The following ITFG1 variants were observed in gnomAD, a reference collection of about 807,000 sequenced individuals.
ITFG1 encodes integrin alpha FG-GAP repeat containing 1, also known as T-cell immunomodulatory protein.
Under a neutral mutation model 81.8 loss-of-function variants are expected in ITFG1, and 34 were observed. The ratio of observed to expected loss-of-function variants is 0.42; its 90% CI spans 0.32 to 0.55. The LOEUF (loss-of-function observed/expected upper bound fraction) is 0.55. ITFG1 is among the 20% of genes least tolerant of loss of function. The pLI is 0.17. For synonymous variants in ITFG1, 285 were observed against 270.6 expected (o/e 1.05, Z -0.52); for missense variants, 672 against 755.4 (o/e 0.89, Z 1.29).
chr16:47,165,814 C>A (rs950350849), intron 14 of ITFG1, among the ~76,000 whole-genome samples: 1 of 152,176 alleles, frequency 6.6e-6, no homozygotes, highest in Non-Finnish European at 1.5e-5. Flanking sequence ...CCACTGCACT[C>A]CAGCCTGGGA....
intron 14 of ITFG1, among the ~76,000 whole-genome samples, chr16:47,207,949 A>G (rs922546148): frequency 9.9e-5 from 15 of 152,200 alleles, no homozygotes. Flanking sequence ...TGTACCAGGC[A>G]TTGTATAAGC....
chr16:47,240,958 C>T (rs984320538), intron 12 of ITFG1, among the ~76,000 whole-genome samples: 2 of 151,562 alleles, frequency 1.3e-5, no homozygotes, highest in African/African-American at 4.9e-5. Context: ...AGATGTGTTT[C>T]ACAACAATGC....
intron 14 of ITFG1, among the ~76,000 whole-genome samples, chr16:47,194,641 C>T (rs1323192139): frequency 6.6e-6 from 1 of 152,088 alleles, no homozygotes; most frequent in East Asian, 1.9e-4. Flanking sequence ...TCACACTTCT[C>T]CTCAATGTGC....
At chr16:47,191,963 G>A (rs1451628044) in intron 14 of ITFG1, among the ~76,000 whole-genome samples, 1 of 152,120 alleles carries the variant, frequency 6.6e-6, no homozygotes, top group Non-Finnish European at 1.5e-5. Context: ...GTGCCATCAC[G>A]TCTGGCTAAT....
At chr16:47,281,408 T>A (rs1204829843) in intron 10 of ITFG1, among the ~76,000 whole-genome samples, 4 of 152,192 alleles carry the variant, frequency 2.6e-5, no homozygotes, top group Non-Finnish European at 5.9e-5. Context: ...TTAGTTGAAT[T>A]GAGAAGTGTC....
At chr16:47,264,582 A>G (rs1283515078) in intron 10 of ITFG1, among the ~76,000 whole-genome samples, 1 of 151,756 alleles carries the variant, frequency 6.6e-6, no homozygotes, top group African/African-American at 2.4e-5. Context: ...ACACACACAC[A>G]CACACACACA....
intron 14 of ITFG1, among the ~76,000 whole-genome samples, chr16:47,175,237 C>G (rs1421270441): frequency 6.6e-6 from 1 of 151,752 alleles, no homozygotes; most frequent in Non-Finnish European, 1.5e-5. Context: ...ACTATTTCAA[C>G]TATTCTTAAC....
intron 14 of ITFG1, among the ~76,000 whole-genome samples, chr16:47,180,911 C>T (rs1403619819): frequency 4.6e-5 from 7 of 151,156 alleles, no homozygotes; most frequent in African/African-American, 1.2e-4. Flanking sequence ...CGTCTCTGCC[C>T]GGCTGCCATC....
chr16:47,356,722 G>A (rs1968044848), intron 8 of ITFG1, among the ~76,000 whole-genome samples: 1 of 152,184 alleles, frequency 6.6e-6, no homozygotes, highest in Non-Finnish European at 1.5e-5. Flanking sequence ...CATCCAAGAA[G>A]CACAACTATG....
intron 6 of ITFG1, among the ~76,000 whole-genome samples, chr16:47,410,304 T>C (rs1327334618): frequency 6.6e-6 from 1 of 151,370 alleles, no homozygotes; most frequent in Non-Finnish European, 1.5e-5. Context: ...AATAGAAAAA[T>C]GGGCAAAGTA....
chr16:47,206,606 A>G (rs1965503036), intron 14 of ITFG1, among the ~76,000 whole-genome samples: 1 of 152,208 alleles, frequency 6.6e-6, no homozygotes, highest in Non-Finnish European at 1.5e-5. Flanking sequence ...GGCACTTCCT[A>G]TAAATGGAAT....
chr16:47,260,355 T>C (rs1302495161), intron 11 of ITFG1, among the ~76,000 whole-genome samples, 190 bp downstream of exon 11: 1 of 152,248 alleles, frequency 6.6e-6, no homozygotes, highest in African/African-American at 2.4e-5. Context: ...AATATTTGAC[T>C]GTACTGATCA....
At chr16:47,224,338 G>A (rs1030294155) in intron 13 of ITFG1, among the ~76,000 whole-genome samples, 1 of 152,206 alleles carries the variant, frequency 6.6e-6, no homozygotes, top group African/African-American at 2.4e-5. Flanking sequence ...AAATGGAAAT[G>A]AGATATTCAC....
intron 8 of ITFG1, among the ~76,000 whole-genome samples, chr16:47,330,705 C>G (rs114265251): frequency 0.021 from 3,246 of 151,988 alleles, 112 homozygotes; most frequent in African/African-American, 0.074. Context: ...TACGAGCAGC[C>G]GACAAACATG....
In ITFG1 at chr16:47,178,437, C is replaced by G. The variant is rs540821347; in HGVS notation, c.1454-15773G>C. On this transcript the variant is annotated intron_variant, in intron 14 of 17. Transcript: ENST00000320640. ...AATAATACCACACATCTACAACTATCTGATCTTTGACAAACCTGACAAAAA... is the reference window on the plus strand; with the variant it reads ...AATAATACCACACATCTACAACTATGTGATCTTTGACAAACCTGACAAAAA... 6.7e-4 allele frequency among the ~76,000 whole-genome samples: 102 copies of G among 152,316 alleles called. 1 individual carries two copies. The highest frequency in any genetic ancestry group is 2.3e-3 in the African/African-American group (97 of 41,572).
At chr16:47,301,409 CTT>C (rs1013125084) in intron 10 of ITFG1, among the ~76,000 whole-genome samples, 6 of 144,058 alleles carry the variant, frequency 4.2e-5, no homozygotes, top group Admixed American at 6.9e-5. Flanking sequence ...TCTTCTTCTT[CTT>C]TTTTTTTTTT....
At chr16:47,428,226 G>A (rs968048764) in intron 6 of ITFG1, among the ~76,000 whole-genome samples, 19 of 152,212 alleles carry the variant, frequency 1.2e-4, no homozygotes, top group Admixed American at 1.2e-3. Context: ...GATACAGATG[G>A]AAATATTTAA....
intron 5 of ITFG1, among the ~76,000 whole-genome samples, chr16:47,441,439 T>C (rs1339427048): frequency 1.3e-5 from 2 of 152,198 alleles, no homozygotes; most frequent in Non-Finnish European, 2.9e-5. Context: ...AATAAAATAC[T>C]GGCAAACCGA....
At chr16:47,385,422 C>T (rs1042082327) in intron 6 of ITFG1, among the ~76,000 whole-genome samples, 1 of 152,050 alleles carries the variant, frequency 6.6e-6, no homozygotes, top group African/African-American at 2.4e-5. Context: ...AAATAATTTC[C>T]CCAGCATATG....
Sources: gnomAD v4.1 joint callset for allele counts (sites outside exome capture counted in the v4.1 genomes callset) on GRCh38, gnomAD v4.1.1 for gene constraint, MANE v1.5 for transcripts, NCBI Gene and HGNC (gene_info 2026-07-23, HGNC 2026-07-21) for gene names.